The following PLCG2 variants were observed in gnomAD, a reference collection of about 807,000 sequenced individuals.
The protein encoded by PLCG2 is 1-phosphatidylinositol 4,5-bisphosphate phosphodiesterase gamma-2.
PLCG2 carries 69 observed loss-of-function variants against 175.6 expected under a neutral mutation model. The ratio of observed to expected loss-of-function variants is 0.39; its 90% CI spans 0.32 to 0.48. The LOEUF is 0.48. Ranked by LOEUF, PLCG2 falls within the 20% of genes least tolerant of loss-of-function variation. The pLI is 0.91. For synonymous variants in PLCG2, 827 were observed against 624.0 expected (o/e 1.33, Z -4.85); for missense variants, 1,798 against 1,650.9 (o/e 1.09, Z -1.54).
chr16:81,951,150 T>TTGTG (rs71146056), intron 31 of PLCG2, among the ~76,000 whole-genome samples: 6,311 of 151,704 alleles, frequency 0.042, 173 homozygotes, highest in Non-Finnish European at 0.066. Flanking sequence ...AATTTAAAAT[T>TTGTG]TGTGTGTGTG....
rs115168660 is a variant in PLCG2, at chr16:81,958,865, G to C, written c.*867G>C. 894 of 220,244 alleles carry C rather than the reference G, an allele frequency of 4.1e-3. 7 individuals carry two copies. The highest frequency in any genetic ancestry group is 0.019 in the African/African-American group (856 of 44,626). The allele number at this position is 220,244 out of a possible 1,614,324, so 13.6% of individuals were successfully genotyped here. A position where few individuals can be genotyped will look rare whatever the true frequency, so the allele number is the denominator to read the frequency against. ...AAGAGGTCAACTGCTGCTTGAAAGA[G>C]GTAGACAAAAGTTAGGTTGATGGCG... On this transcript the variant is annotated 3_prime_UTR_variant, in exon 33 of 33. Transcript: ENST00000564138.
chr16:81,863,750 G>A (rs1209725778), intron 5 of PLCG2, among the ~76,000 whole-genome samples: 10 of 152,210 alleles, frequency 6.6e-5, no homozygotes, highest in Non-Finnish European at 1.5e-4. Context: ...CTCTGCCCTT[G>A]CCCCCTTGGC....
intron 30 of PLCG2, among the ~76,000 whole-genome samples, chr16:81,943,547 C>A (rs1027657207): frequency 2.0e-5 from 3 of 152,174 alleles, no homozygotes; most frequent in African/African-American, 7.2e-5. Flanking sequence ...GGTGGGGACA[C>A]AGAGCCAAAC....
intron 2 of PLCG2, among the ~76,000 whole-genome samples, chr16:81,843,624 C>G (rs1185771825): frequency 6.6e-6 from 1 of 152,166 alleles, no homozygotes; most frequent in Non-Finnish European, 1.5e-5. Flanking sequence ...GAACCCATTG[C>G]TAAGCATGTT....
At chr16:81,881,098 C>G (rs761790001) in intron 8 of PLCG2, 145 bp downstream of exon 8, 2 of 746,488 alleles carry the variant, frequency 2.7e-6, no homozygotes, top group Non-Finnish European at 4.6e-6. Flanking sequence ...ATTGGCCATC[C>G]CATGCCTGTG....
At chr16:81,858,434 G>A (rs1906795228) in intron 4 of PLCG2, 78 bp downstream of exon 4, 2 of 943,508 alleles carry the variant, frequency 2.1e-6, no homozygotes, top group African/African-American at 2.3e-5. Context: ...TGGGCTACAG[G>A]GGGGAAAAAA....
chr16:81,819,670 C>T lies in PLCG2; in HGVS notation c.193+33488C>T, dbSNP rs902488696. ...CGCTATCTCGGCTCACTGCAACCTC[C>T]GCCTTCTGGTTTCAAGCGAATATCC... is the stretch of plus-strand genomic sequence containing the variant. On this transcript the variant is annotated intron_variant, in intron 2 of 32. Coordinates refer to ENST00000564138, the MANE Select transcript of PLCG2 (RefSeq NM_002661.5). Among the ~76,000 whole-genome samples the T allele has an allele frequency of 3.3e-5, 5 of 152,294 alleles. No individual in the cohort carries two copies. The South Asian group carries it at 8.3e-4, about 25-fold the overall frequency.
At chr16:81,780,052 C>G (rs1310370822) in intron 1 of PLCG2, among the ~76,000 whole-genome samples, 2 of 152,156 alleles carry the variant, frequency 1.3e-5, no homozygotes, top group African/African-American at 4.8e-5. Context: ...AGGTTAAAGA[C>G]GTGCCCCGTT....
rs71146047 is a variant in PLCG2 at position 81,816,651 on chromosome 16, ATTTTT to A, written c.193+30495_193+30499del. 4.7e-4 allele frequency among the ~76,000 whole-genome samples: 51 copies of A among 108,872 alleles called. 6 individuals are homozygous for A. Among genetic ancestry groups the A allele is most frequent in the African/African-American group, 5.3e-4 (14 of 26,500 alleles). The allele number at this position is 108,872 out of a possible 152,430, so 71.4% of individuals were successfully genotyped here. Reference sequence around the variant, plus strand: ...GCACCACCATGCCCAGCTAATTTTAATTTTTTTTTTTTTTTTTTTTTTTTTTTTTT... The same window carrying A: ...GCACCACCATGCCCAGCTAATTTTAATTTTTTTTTTTTTTTTTTTTTTTTT... On this transcript the variant is annotated intron_variant, in intron 2 of 32. Coordinates refer to ENST00000564138, the MANE Select transcript of PLCG2 (RefSeq NM_002661.5).
intron 2 of PLCG2, among the ~76,000 whole-genome samples, chr16:81,802,091 G>GTTTTTTTTTT (rs1249304271): frequency 1.9e-5 from 1 of 53,516 alleles, no homozygotes; most frequent in Non-Finnish European, 3.8e-5. Flanking sequence ...GGTGAGTACA[G>GTTTTTTTTTT]TCTTTTTTTT....
chr16:81,917,760 T>C (rs1329610442), intron 19 of PLCG2, among the ~76,000 whole-genome samples: 1 of 152,210 alleles, frequency 6.6e-6, no homozygotes, highest in Non-Finnish European at 1.5e-5. Context: ...CTTGCTCTGT[T>C]GCCCAGGCTG....
At chr16:81,955,165 G>A (rs1333073044) in intron 31 of PLCG2, among the ~76,000 whole-genome samples, 1 of 152,104 alleles carries the variant, frequency 6.6e-6, no homozygotes, top group Non-Finnish European at 1.5e-5. Context: ...GCAAACAGCT[G>A]GAATAATCAT....
chr16:81,775,240 G>A (rs980031163), upstream of PLCG2, among the ~76,000 whole-genome samples: 6 of 152,080 alleles, frequency 3.9e-5, no homozygotes, highest in Admixed American at 2.6e-4. Flanking sequence ...CGATAGGCCC[G>A]CTCTCTGCTT....
chr16:81,782,478 G>C (rs1291865064), intron 1 of PLCG2, among the ~76,000 whole-genome samples: 1 of 152,168 alleles, frequency 6.6e-6, no homozygotes, highest in Non-Finnish European at 1.5e-5. Context: ...CAAGGTCTTG[G>C]AGACCTCCCT....
In PLCG2 at chr16:81,914,170, T is replaced by C. The variant is rs1019744485; in HGVS notation, c.2054+1454T>C. Among the ~76,000 whole-genome samples the C allele has an allele frequency of 1.8e-4, 27 of 152,336 alleles. No individual in the cohort carries two copies. The South Asian group carries it at 5.6e-3, about 32-fold the overall frequency. On this transcript the variant is annotated intron_variant, in intron 19 of 32. Coordinates refer to ENST00000564138, the MANE Select transcript of PLCG2 (RefSeq NM_002661.5). ...TGGGGTGTTGGCACTCCCACTGTGCTGTCATCCTGTGCAAATGATGGCAAC... is the reference window on the plus strand; with the variant it reads ...TGGGGTGTTGGCACTCCCACTGTGCCGTCATCCTGTGCAAATGATGGCAAC...
chr16:81,907,648 G>T (rs940095006), intron 15 of PLCG2, 37 bp from the exon 16 acceptor site: 1 of 1,481,316 alleles, frequency 6.8e-7, no homozygotes, highest in Non-Finnish European at 9.4e-7. Context: ...ATGAGGTAGA[G>T]GACTTGGGGG....
At chr16:81,882,548 T>G (rs1908135765) in intron 8 of PLCG2, among the ~76,000 whole-genome samples, 1 of 152,086 alleles carries the variant, frequency 6.6e-6, no homozygotes, top group Admixed American at 6.6e-5. Flanking sequence ...GAGCCCTGTC[T>G]GGGTATTGGA....
intron 13 of PLCG2, among the ~76,000 whole-genome samples, chr16:81,899,938 A>G (rs1656644099): frequency 1.3e-5 from 2 of 152,216 alleles, no homozygotes; most frequent in South Asian, 4.1e-4. Context: ...ATTTCCCCTT[A>G]GGAGCAATGG....
At chr16:81,807,139 C>T (rs1258083344) in intron 2 of PLCG2, among the ~76,000 whole-genome samples, 1 of 152,192 alleles carries the variant, frequency 6.6e-6, no homozygotes, top group Non-Finnish European at 1.5e-5. Context: ...GGAGACCTCA[C>T]AGCAGAGGCT....
Sources: gnomAD v4.1 joint callset for allele counts (sites outside exome capture counted in the v4.1 genomes callset) on GRCh38, gnomAD v4.1.1 for gene constraint, MANE v1.5 for transcripts, NCBI Gene and HGNC (gene_info 2026-07-23, HGNC 2026-07-21) for gene names.